Variants in ATXN7L1 observed in about 807,000 individuals in gnomAD.
The protein encoded by ATXN7L1 is ataxin-7-like protein 1.
A neutral mutation model predicts 70.8 loss-of-function variants in ATXN7L1; 15 were observed. That is an observed-to-expected ratio of 0.21 (90% CI 0.14 to 0.33). The LOEUF (loss-of-function observed/expected upper bound fraction) is 0.33, where lower values mean the gene tolerates loss of function less well. ATXN7L1 is among the 10% of genes least tolerant of loss of function. ATXN7L1 has a pLI of 1.00. For synonymous variants in ATXN7L1, 440 were observed against 445.1 expected (o/e 0.99, Z 0.14); for missense variants, 975 against 1,097.1 (o/e 0.89, Z 1.57).
chr7:105,659,619 G>C (rs1192357098), intron 4 of ATXN7L1, among the ~76,000 whole-genome samples: 1 of 152,218 alleles, frequency 6.6e-6, no homozygotes, highest in Non-Finnish European at 1.5e-5. Flanking sequence ...ATGGCCAGGA[G>C]AGAAGGGGAC....
At chr7:105,613,826 C>G in intron 10 of ATXN7L1, 36 bp downstream of exon 10, 2 of 1,551,748 alleles carry the variant, frequency 1.3e-6, no homozygotes, top group Non-Finnish European at 1.7e-6. Flanking sequence ...CCCTGCCCCC[C>G]AGAGCCGGTG....
intron 3 of ATXN7L1, among the ~76,000 whole-genome samples, chr7:105,773,182 G>T (rs1393447626): frequency 6.6e-6 from 1 of 152,128 alleles, no homozygotes. Context: ...ATTATCAGGG[G>T]TATCACAAGA....
intron 3 of ATXN7L1, among the ~76,000 whole-genome samples, chr7:105,733,504 T>TTCATCCATCCACCCA (rs1796819098): frequency 2.2e-5 from 1 of 45,512 alleles, no homozygotes; most frequent in African/African-American, 8.3e-5. Context: ...CCATCCATCC[T>TTCATCCATCCACCCA]TCCATCCATC....
chr7:105,693,510 G>T (rs902403300), intron 3 of ATXN7L1, among the ~76,000 whole-genome samples: 12 of 151,902 alleles, frequency 7.9e-5, no homozygotes, highest in African/African-American at 2.9e-4. Flanking sequence ...ATTTTAAATT[G>T]CTGGGTGGAC....
At chr7:105,792,551 A>G (rs531316150) in intron 2 of ATXN7L1, among the ~76,000 whole-genome samples, 1 of 152,340 alleles carries the variant, frequency 6.6e-6, no homozygotes, top group Non-Finnish European at 1.5e-5. Context: ...CACTCTGCTA[A>G]TTAATTCTCT....
intron 8 of ATXN7L1, among the ~76,000 whole-genome samples, chr7:105,622,080 C>T (rs1233754184): frequency 6.6e-6 from 1 of 152,220 alleles, no homozygotes; most frequent in Non-Finnish European, 1.5e-5. Context: ...ATCATTTCTT[C>T]CCTCATCCCA....
chr7:105,613,943 A>T lies in ATXN7L1; in HGVS notation c.2391T>A (p.Gly797=). Residue 797 remains glycine (G), a synonymous_variant, in exon 10 of 12, where the codon GGT becomes GGA. Coordinates refer to ENST00000419735, the MANE Select transcript of ATXN7L1 (RefSeq NM_020725.2). ...GGTTCTTTTTGTGAACGCTATTCAT[A>T]CCAGGCATTTTAGTGATTTTACAGG... ...SKACKITKMP[G]MNSVHKKNPP... 1.3e-6 allele frequency: 2 copies of T among 1,552,324 alleles called. No individual in the cohort carries two copies. The highest frequency in any genetic ancestry group is 1.7e-6 in the Non-Finnish European group (2 of 1,147,110).
chr7:105,740,785 A>AG (rs1299928670), intron 3 of ATXN7L1, among the ~76,000 whole-genome samples: 22,386 of 70,830 alleles, frequency 0.32, 6,737 homozygotes, highest in East Asian at 0.72. Flanking sequence ...TTTTTTTTTT[A>AG]ATGGAGTCTC....
chr7:105,615,337 G>C (rs938361886), intron 9 of ATXN7L1, among the ~76,000 whole-genome samples: 1 of 152,166 alleles, frequency 6.6e-6, no homozygotes, highest in Admixed American at 6.5e-5. Context: ...GACTCTCGGG[G>C]CTTTCCCCAC....
At chr7:105,781,962 CCCAAGTAGCTGG>C (rs1803595902) in intron 3 of ATXN7L1, among the ~76,000 whole-genome samples, 1 of 152,168 alleles carries the variant, frequency 6.6e-6, no homozygotes, top group Non-Finnish European at 1.5e-5. Context: ...ATGTCAGCCT[CCCAAGTAGCTGG>C]AGCACAACAC....
At chr7:105,724,967 T>C (rs1322365158) in intron 3 of ATXN7L1, among the ~76,000 whole-genome samples, 1 of 152,054 alleles carries the variant, frequency 6.6e-6, no homozygotes. Context: ...GCTGGGATTA[T>C]AAGGCATGTA....
chr7:105,727,570 G>A (rs1054440643), intron 3 of ATXN7L1, among the ~76,000 whole-genome samples: 1 of 149,750 alleles, frequency 6.7e-6, no homozygotes, highest in Admixed American at 6.7e-5. Flanking sequence ...TTGGGAGGCT[G>A]AGGCATGAGA....
intron 2 of ATXN7L1, among the ~76,000 whole-genome samples, chr7:105,792,813 C>T: frequency 6.6e-6 from 1 of 152,244 alleles, no homozygotes; most frequent in East Asian, 1.9e-4. Flanking sequence ...ACTGGTACAC[C>T]ACTGAATAAA....
intron 2 of ATXN7L1, among the ~76,000 whole-genome samples, chr7:105,829,778 T>C (rs1475944792): frequency 1.3e-5 from 2 of 152,200 alleles, no homozygotes; most frequent in Non-Finnish European, 2.9e-5. Context: ...AGACAGAGTA[T>C]TGTTTACATT....
chr7:105,826,683 G>GA (rs575198093), intron 2 of ATXN7L1, among the ~76,000 whole-genome samples: 1 of 151,836 alleles, frequency 6.6e-6, no homozygotes, highest in Non-Finnish European at 1.5e-5. Flanking sequence ...TGGCCACCAA[G>GA]AAAAAAACAA....
At chr7:105,806,499 T>C (rs1440771258) in intron 2 of ATXN7L1, among the ~76,000 whole-genome samples, 1 of 152,098 alleles carries the variant, frequency 6.6e-6, no homozygotes, top group Non-Finnish European at 1.5e-5. Flanking sequence ...GAGCTTTGTT[T>C]TGCAGCCTAC....
intron 2 of ATXN7L1, chr7:105,819,895 GC>G (rs1217813115): frequency 9.0e-6 from 5 of 555,706 alleles, no homozygotes; most frequent in Admixed American, 8.1e-5. Context: ...AAGAAACTTT[GC>G]CTACGTGGGG....
chr7:105,675,113 GA>G (rs1048678454), intron 3 of ATXN7L1, among the ~76,000 whole-genome samples: 7 of 149,662 alleles, frequency 4.7e-5, no homozygotes, highest in African/African-American at 1.5e-4. Flanking sequence ...ATCCCAAAGG[GA>G]AAAAAAAAGT....
chr7:105,787,021 G>A (rs1026744712), intron 3 of ATXN7L1, among the ~76,000 whole-genome samples: 9 of 150,686 alleles, frequency 6.0e-5, no homozygotes, highest in African/African-American at 2.2e-4. Flanking sequence ...TCTTGCCATG[G>A]CTCTGCTTTG....
Sources: gnomAD v4.1 joint callset for allele counts (sites outside exome capture counted in the v4.1 genomes callset) on GRCh38, gnomAD v4.1.1 for gene constraint, MANE v1.5 for transcripts, NCBI Gene and HGNC (gene_info 2026-07-23, HGNC 2026-07-21) for gene names.